Variants in MAML3 observed in about 807,000 individuals in gnomAD.
The protein encoded by MAML3 is mastermind-like protein 3.
Under a neutral mutation model 101.9 loss-of-function variants are expected in MAML3, and 27 were observed. That is an observed-to-expected ratio of 0.27 (90% CI 0.20 to 0.37). The LOEUF is 0.37. Among genes scored for constraint, MAML3 ranks in the 10% least tolerant of loss-of-function variants. MAML3 has a pLI of 1.00. For missense variants in MAML3, 1,316 were observed against 1,444.9 expected, an observed-to-expected ratio of 0.91 and a Z score of 1.45; for synonymous variants, 501 against 555.9, an observed-to-expected ratio of 0.90 and a Z score of 1.39.
At chr4:140,049,280 G>A (rs1001180696) in intron 1 of MAML3, among the ~76,000 whole-genome samples, 1 of 152,142 alleles carries the variant, frequency 6.6e-6, no homozygotes, top group African/African-American at 2.4e-5. Context: ...AAAAGAAAAG[G>A]TGGGAGGGAG....
chr4:139,985,011 T>C (rs139278538), intron 1 of MAML3, among the ~76,000 whole-genome samples: 4 of 152,346 alleles, frequency 2.6e-5, no homozygotes, highest in African/African-American at 4.8e-5. Flanking sequence ...CAATTTAATA[T>C]GGCAAATATA....
At chr4:139,862,126 T>C (rs1731795761) in intron 2 of MAML3, among the ~76,000 whole-genome samples, 1 of 152,150 alleles carries the variant, frequency 6.6e-6, no homozygotes, top group Non-Finnish European at 1.5e-5. Context: ...GGGGAATTGC[T>C]TGAACCTGGG....
At chr4:140,026,236 C>T (rs6536645) in intron 1 of MAML3, among the ~76,000 whole-genome samples, 126,751 of 152,074 alleles carry the variant, frequency 0.83, 53,767 homozygotes, top group Non-Finnish European at 0.91. Flanking sequence ...ATATATACAT[C>T]TTTAAATTTT....
intron 1 of MAML3, among the ~76,000 whole-genome samples, chr4:140,120,458 GT>G: frequency 6.6e-6 from 1 of 152,144 alleles, no homozygotes. Context: ...TATCATTTCT[GT>G]TTCTCTATTT....
chr4:139,798,034 GAGAAAGAAAGAAAGAAAGAA>G (rs60781175), intron 2 of MAML3, among the ~76,000 whole-genome samples: 3,688 of 124,568 alleles, frequency 0.03, 51 homozygotes, highest in African/African-American at 0.037. Flanking sequence ...AGGAGAGAGA[GAGAAAGAAAGAAAGAAAGAA>G]AGAAAGAAAG....
At chr4:139,861,965 T>C (rs1228548201) in intron 2 of MAML3, among the ~76,000 whole-genome samples, 2 of 151,998 alleles carry the variant, frequency 1.3e-5, no homozygotes, top group Non-Finnish European at 2.9e-5. Context: ...TCCCAGCACT[T>C]TGGGAGGCTG....
At chr4:139,953,648 A>C (rs1733867794) in intron 1 of MAML3, among the ~76,000 whole-genome samples, 1 of 152,216 alleles carries the variant, frequency 6.6e-6, no homozygotes, top group East Asian at 1.9e-4. Context: ...ACAAGTTCTA[A>C]AAGAATCCAG....
intron 2 of MAML3, among the ~76,000 whole-genome samples, chr4:139,876,094 C>CAT (rs919012527): frequency 2.0e-5 from 3 of 151,274 alleles, no homozygotes; most frequent in Non-Finnish European, 4.4e-5. Context: ...GTGCTATAAG[C>CAT]ATAACAGGCA....
chr4:140,105,278 G>T (rs773884015), intron 1 of MAML3, among the ~76,000 whole-genome samples: 2 of 152,220 alleles, frequency 1.3e-5, no homozygotes, highest in African/African-American at 2.4e-5. Context: ...CTGGAGAAAA[G>T]ACATTTTTAA....
In MAML3 at chr4:139,890,965, T is replaced by C. The variant is rs1031868819; in HGVS notation, c.471A>G (p.Leu157=). 9.9e-6 allele frequency: 16 copies of C among 1,608,602 alleles called. No homozygotes were observed. In the Admixed American group the frequency reaches 1.0e-4, roughly 10 times the overall value. The change falls in exon 2 of 5, where the codon CTA becomes CTG. Residue 157 remains leucine, a splice_region_variant and synonymous_variant. Coordinates refer to ENST00000509479, the MANE Select transcript of MAML3 (RefSeq NM_018717.5). This position sits in a 1 kb window ranked among gnomAD's most constrained non-coding sequence, Gnocchi z 4.1. ...AEQRNHTLIM[L]QETVKRKLEG... ...CCAACTTCCTTTTCACAGTCTCTTG[T>C]AGCTGGAAAAGAAACAGGAAAGAGG...
rs1578634831 is a variant in MAML3, at chr4:139,995,804, C to T, written c.469-104837G>A. 4.0e-5 allele frequency among the ~76,000 whole-genome samples: 6 copies of T among 151,810 alleles called. No homozygotes were observed. The South Asian group carries it at 8.3e-4, about 21-fold the overall frequency. Reference sequence around the variant, plus strand: ...TTCTTTTCTATTTTATTGATTTCTGCTCTAATCTTTATTGTTTCCTTCTGC... The same window carrying T: ...TTCTTTTCTATTTTATTGATTTCTGTTCTAATCTTTATTGTTTCCTTCTGC... On this transcript the variant is annotated intron_variant, in intron 1 of 4. Coordinates refer to ENST00000509479, the MANE Select transcript of MAML3 (RefSeq NM_018717.5).
chr4:139,802,166 G>T (rs575461222), intron 2 of MAML3, among the ~76,000 whole-genome samples: 3 of 152,150 alleles, frequency 2.0e-5, no homozygotes, highest in Admixed American at 2.0e-4. Flanking sequence ...TTACAGAATG[G>T]GGTAGCAGAG....
intron 1 of MAML3, among the ~76,000 whole-genome samples, chr4:139,902,305 G>C (rs1351051630): frequency 6.6e-6 from 1 of 151,868 alleles, no homozygotes; most frequent in Non-Finnish European, 1.5e-5. Context: ...CAATGAGCGA[G>C]CAAACAGGAC....
rs868095004 is a variant in MAML3 at position 140,123,833 on chromosome 4, T to C, written c.468+29027A>G. On this transcript the variant is annotated intron_variant, in intron 1 of 4. Coordinates refer to ENST00000509479, the MANE Select transcript of MAML3 (RefSeq NM_018717.5). ...GGGGAGGTAAGAAAGAACTCATTCA[T>C]AATAAAAAGGATAAAGGTGCAGGGA... Among the ~76,000 whole-genome samples the C allele has an allele frequency of 2.0e-5, 3 of 152,282 alleles. 1 individual carries two copies. The South Asian group carries it at 6.2e-4, about 32-fold the overall frequency.
intron 2 of MAML3, among the ~76,000 whole-genome samples, chr4:139,883,661 T>C (rs1036236244): frequency 1.3e-5 from 2 of 151,966 alleles, no homozygotes; most frequent in Non-Finnish European, 2.9e-5. Flanking sequence ...TTTATGGAGA[T>C]AAATGAGAAG....
At chr4:139,775,944 A>C (rs952160060) in intron 2 of MAML3, among the ~76,000 whole-genome samples, 2 of 152,158 alleles carry the variant, frequency 1.3e-5, no homozygotes, top group African/African-American at 4.8e-5. Context: ...CCTTCCCCCA[A>C]CTCAGGGAAA....
intron 2 of MAML3, among the ~76,000 whole-genome samples, chr4:139,886,572 G>A (rs1404790786): frequency 1.3e-5 from 2 of 151,894 alleles, no homozygotes; most frequent in Non-Finnish European, 2.9e-5. Flanking sequence ...ACATATAATT[G>A]TTTTATGATC....
At chr4:139,957,347 G>A (rs774519009) in intron 1 of MAML3, among the ~76,000 whole-genome samples, 2 of 152,218 alleles carry the variant, frequency 1.3e-5, no homozygotes, top group Non-Finnish European at 2.9e-5. Context: ...AATGCAGCAA[G>A]TTAGGAATCA....
chr4:139,885,512 A>G (rs1238982228), intron 2 of MAML3, among the ~76,000 whole-genome samples: 1 of 152,094 alleles, frequency 6.6e-6, no homozygotes, highest in African/African-American at 2.4e-5. Context: ...TGTACCCCAT[A>G]AATATGTGTA....
Sources: gnomAD v4.1 joint callset for allele counts (sites outside exome capture counted in the v4.1 genomes callset) on GRCh38, gnomAD v4.1.1 for gene constraint, Gnocchi (gnomAD v3.1) non-coding constraint, MANE v1.5 for transcripts, NCBI Gene and HGNC (gene_info 2026-07-23, HGNC 2026-07-21) for gene names.